ZNF536: variants seen among roughly 807,000 people sequenced by gnomAD.
The protein encoded by ZNF536 is zinc finger protein 536.
In ZNF536, 13 loss-of-function variants were observed where a neutral mutation model predicts 84.5. That is an observed-to-expected ratio of 0.15 (90% confidence interval 0.10 to 0.24). The LOEUF is 0.24. Ranked by LOEUF, ZNF536 falls within the 10% of genes least tolerant of loss-of-function variation. The pLI is 1.00. For missense variants in ZNF536, 1,536 were observed against 1,747.5 expected, an observed-to-expected ratio of 0.88 and a Z score of 2.16; for synonymous variants, 811 against 742.5, an observed-to-expected ratio of 1.09 and a Z score of -1.50.
At chr19:30,640,706 T>C (rs1028994424) in intron 1 of ZNF536, among the ~76,000 whole-genome samples, 2 of 152,200 alleles carry the variant, frequency 1.3e-5, no homozygotes, top group African/African-American at 2.4e-5. Context: ...CCATATCCTA[T>C]ATGAAGTGGT....
intron 2 of ZNF536, among the ~76,000 whole-genome samples, chr19:30,472,773 G>A (rs888966909): frequency 6.6e-6 from 1 of 152,156 alleles, no homozygotes; most frequent in Admixed American, 6.5e-5. Flanking sequence ...AGGATGGCAT[G>A]TCAGCTCTAT....
intron 1 of ZNF536, among the ~76,000 whole-genome samples, chr19:30,658,909 C>A (rs2050017564): frequency 6.6e-6 from 1 of 152,270 alleles, no homozygotes; most frequent in Non-Finnish European, 1.5e-5. Flanking sequence ...AACATTTGGC[C>A]TAGTTGTTAG....
chr19:30,392,475 C>T (rs990594382), intron 1 of ZNF536, among the ~76,000 whole-genome samples: 2 of 152,148 alleles, frequency 1.3e-5, no homozygotes, highest in Non-Finnish European at 2.9e-5. Context: ...TGCACCACCG[C>T]CCGGCAGCAA....
intron 1 of ZNF536, among the ~76,000 whole-genome samples, chr19:30,681,080 C>T (rs1384494804): frequency 2.0e-5 from 3 of 152,126 alleles, no homozygotes; most frequent in Non-Finnish European, 4.4e-5. Flanking sequence ...CCTTTCTATT[C>T]CCCAACTTTC....
At chr19:30,246,109 G>A (rs2024256675) in intron 1 of ZNF536, among the ~76,000 whole-genome samples, 1 of 152,166 alleles carries the variant, frequency 6.6e-6, no homozygotes, top group Non-Finnish European at 1.5e-5. Flanking sequence ...TGAGTGAGGT[G>A]GAGTAACCCC....
intron 2 of ZNF536, among the ~76,000 whole-genome samples, chr19:30,310,520 C>T (rs766368914): frequency 6.6e-6 from 1 of 152,214 alleles, no homozygotes; most frequent in Non-Finnish European, 1.5e-5. Flanking sequence ...CACATTCTTT[C>T]AGTGCCTTCA....
chr19:30,311,965 G>A (rs147234584), intron 2 of ZNF536, among the ~76,000 whole-genome samples: 1 of 152,164 alleles, frequency 6.6e-6, no homozygotes, highest in Non-Finnish European at 1.5e-5. Context: ...CTACTTAGGA[G>A]GCTGAGATGG....
intron 1 of ZNF536, among the ~76,000 whole-genome samples, chr19:30,383,755 T>G (rs1233093614): frequency 1.5e-4 from 1 of 6,458 alleles, no homozygotes; most frequent in Non-Finnish European, 7.9e-4. Context: ...CTTTCTTTCT[T>G]TCTCTTTCTT....
intron 2 of ZNF536, among the ~76,000 whole-genome samples, chr19:30,490,240 C>T (rs2054456017): frequency 6.6e-6 from 1 of 152,166 alleles, no homozygotes; most frequent in Non-Finnish European, 1.5e-5. Context: ...CTTCGTTCAT[C>T]TCTTCTTGAT....
chr19:30,398,298 C>T (rs2049903492), intron 1 of ZNF536, among the ~76,000 whole-genome samples: 1 of 152,158 alleles, frequency 6.6e-6, no homozygotes, highest in Admixed American at 6.5e-5. Flanking sequence ...GCCCTTGGTG[C>T]CTACCCATCT....
intron 2 of ZNF536, among the ~76,000 whole-genome samples, chr19:30,290,855 A>G (rs1169668767): frequency 6.6e-6 from 1 of 151,990 alleles, no homozygotes; most frequent in Non-Finnish European, 1.5e-5. Flanking sequence ...CCACCCACCA[A>G]CAGGCCCTGG....
rs531034278 is a variant in ZNF536 at position 30,358,714 on chromosome 19, C to T, written c.-3+6230C>T. ...GCCAATACTCGGGATGCAATCAGGC[C>T]AGGACGCTGGCCCTGAGTTTCTGGT... On this transcript the variant is annotated intron_variant, in intron 3 of 5. Coordinates refer to the ZNF536 transcript ENST00000585628. 9.2e-5 allele frequency among the ~76,000 whole-genome samples: 14 copies of T among 152,330 alleles called. No individual in the cohort carries two copies. The East Asian group carries it at 2.7e-3, about 29-fold the overall frequency.
intron 1 of ZNF536, among the ~76,000 whole-genome samples, chr19:30,654,535 T>C (rs1445344851): frequency 3.9e-5 from 6 of 152,130 alleles, no homozygotes; most frequent in African/African-American, 7.2e-5. Flanking sequence ...GTGGAATGCT[T>C]GTATTCAAAG....
chr19:30,291,244 A>G (rs1256186383), intron 2 of ZNF536, among the ~76,000 whole-genome samples: 1 of 152,138 alleles, frequency 6.6e-6, no homozygotes, highest in Non-Finnish European at 1.5e-5. Context: ...CTGGTTTTAG[A>G]TCCTTGAGGA....
rs1568604841 is a variant in ZNF536 at position 30,614,941 on chromosome 19, A to ACTTTTTTT, written c.169+65427_169+65428insCTTTTTTT. On this transcript the variant is annotated intron_variant, in intron 1 of 1. Coordinates refer to the ZNF536 transcript ENST00000592773. ...GTTTTCTTTTATTCTCCCCCTTTTC[A>ACTTTTTTT]ATTTTTTTTTTTTTTTTTTTTTTGA... Among the ~76,000 whole-genome samples, 5 of 34,368 alleles carry ACTTTTTTT rather than the reference A, an allele frequency of 1.5e-4. No homozygotes were observed. The South Asian group carries it at 4.7e-3, about 32-fold the overall frequency. The allele number at this position is 34,368 out of a possible 152,430, so 22.5% of individuals were successfully genotyped here. A position where few individuals can be genotyped will look rare whatever the true frequency, so the allele number is the denominator to read the frequency against.
intron 2 of ZNF536, among the ~76,000 whole-genome samples, chr19:30,461,408 T>A (rs1185999376): frequency 2.6e-5 from 4 of 152,140 alleles, no homozygotes; most frequent in Non-Finnish European, 5.9e-5. Context: ...CACTTCCCTC[T>A]CTTTGCTTCT....
At chr19:30,356,996 G>T (rs1227461817) in intron 3 of ZNF536, among the ~76,000 whole-genome samples, 2 of 152,240 alleles carry the variant, frequency 1.3e-5, no homozygotes, top group Non-Finnish European at 2.9e-5. Flanking sequence ...CTTAGCTCTT[G>T]CACTGGGCAC....
At chr19:30,633,518 G>A (rs1486162137) in intron 1 of ZNF536, among the ~76,000 whole-genome samples, 1 of 152,100 alleles carries the variant, frequency 6.6e-6, no homozygotes, top group Non-Finnish European at 1.5e-5. Context: ...AAATTCAAAT[G>A]TGTTCCTCCT....
chr19:30,329,630 A>G (rs2047144989), intron 2 of ZNF536, among the ~76,000 whole-genome samples: 2 of 152,234 alleles, frequency 1.3e-5, no homozygotes, highest in Non-Finnish European at 2.9e-5. Context: ...AGATAGTTCC[A>G]GACCTTGGAA....
Sources: gnomAD v4.1 joint callset for allele counts (sites outside exome capture counted in the v4.1 genomes callset) on GRCh38, gnomAD v4.1.1 for gene constraint, MANE v1.5 for transcripts, NCBI Gene and HGNC (gene_info 2026-07-23, HGNC 2026-07-21) for gene names.